HIVEP3: variants seen among roughly 807,000 people sequenced by gnomAD.
The protein encoded by HIVEP3 is transcription factor HIVEP3.
In HIVEP3, 49 loss-of-function variants were observed where a neutral mutation model predicts 152.8. That is an observed-to-expected ratio of 0.32 (90% CI 0.26 to 0.41). The LOEUF (loss-of-function observed/expected upper bound fraction) is 0.41, where lower values mean the gene tolerates loss of function less well. Among genes scored for constraint, HIVEP3 ranks in the 10% least tolerant of loss-of-function variants. The pLI is 1.00. For synonymous variants in HIVEP3, 1,269 were observed against 1,289.0 expected, an observed-to-expected ratio of 0.98 and a Z score of 0.33; for missense variants, 2,790 against 3,103.3, an observed-to-expected ratio of 0.90 and a Z score of 2.40.
intron 2 of HIVEP3, among the ~76,000 whole-genome samples, chr1:41,697,091 C>G (rs762698908): frequency 5.1e-4 from 77 of 152,164 alleles, no homozygotes; most frequent in Non-Finnish European, 9.6e-4. Flanking sequence ...AAGCAGGAAG[C>G]AGAGAGGCAG....
intron 1 of HIVEP3, among the ~76,000 whole-genome samples, chr1:41,949,314 G>A (rs973992391): frequency 6.6e-6 from 1 of 152,128 alleles, no homozygotes; most frequent in Non-Finnish European, 1.5e-5. Flanking sequence ...CTAGGTACTC[G>A]CATTGGCGGT....
chr1:41,925,068 C>T (rs1299487085), intron 1 of HIVEP3, among the ~76,000 whole-genome samples: 2 of 152,210 alleles, frequency 1.3e-5, no homozygotes, highest in African/African-American at 4.8e-5. Context: ...CAAACTACAG[C>T]CCTTCGTGCA....
At chr1:41,603,625 G>A (rs182389896) in intron 3 of HIVEP3, among the ~76,000 whole-genome samples, 1 of 152,334 alleles carries the variant, frequency 6.6e-6, no homozygotes, top group Admixed American at 6.5e-5. Flanking sequence ...CTCCCAAAGT[G>A]CTGGGATTAC....
intron 2 of HIVEP3, among the ~76,000 whole-genome samples, chr1:41,640,807 C>T (rs540492311): frequency 1.5e-4 from 23 of 152,334 alleles, no homozygotes; most frequent in African/African-American, 5.5e-4. Flanking sequence ...CCATCATCAC[C>T]ATCTGACAAC....
intron 1 of HIVEP3, among the ~76,000 whole-genome samples, chr1:41,885,700 T>G (rs1467136803): frequency 6.7e-6 from 1 of 150,292 alleles, no homozygotes; most frequent in East Asian, 2.0e-4. Context: ...CCTCCTTCCC[T>G]TCCTCCTTCC....
intron 3 of HIVEP3, among the ~76,000 whole-genome samples, chr1:41,617,062 C>T (rs1558118645): frequency 1.3e-5 from 2 of 152,186 alleles, no homozygotes; most frequent in Non-Finnish European, 2.9e-5. Flanking sequence ...GTGCTCCTAA[C>T]CACTCTACCG....
chr1:41,917,542 C>G (rs1457701790), intron 1 of HIVEP3, among the ~76,000 whole-genome samples: 1 of 152,188 alleles, frequency 6.6e-6, no homozygotes, highest in Non-Finnish European at 1.5e-5. Flanking sequence ...TGACCTGCAA[C>G]AGAAACCAAA....
intron 1 of HIVEP3, among the ~76,000 whole-genome samples, chr1:41,824,784 T>TATATATAGAGAGAGAGAGAGAGAG (rs1553266584): frequency 8.8e-5 from 1 of 11,394 alleles, no homozygotes; most frequent in Non-Finnish European, 1.6e-4. Flanking sequence ...TATATATATA[T>TATATATAGAGAGAGAGAGAGAGAG]AGAGAGAGAG....
chr1:41,526,549 A>AT (rs1642925578), intron 5 of HIVEP3, among the ~76,000 whole-genome samples: 2 of 52,358 alleles, frequency 3.8e-5, no homozygotes, highest in Admixed American at 2.4e-4. Context: ...CCCCACACTC[A>AT]CCCTCACCCT....
chr1:41,513,397 G>T lies in HIVEP3; in HGVS notation c.5824C>A (p.Leu1942Met). The T allele has an allele frequency of 6.2e-7, 1 of 1,612,034 alleles. No individual in the cohort carries two copies. ...SSQSMPGLPW[L>M]GPAPLGSVEK... Reference sequence around the variant, plus strand: ...ACAGAGCCCAGAGGGGCCGGTCCCAGCCAGGGGAGGCCCGGCATGCTCTGG... The same window carrying T: ...ACAGAGCCCAGAGGGGCCGGTCCCATCCAGGGGAGGCCCGGCATGCTCTGG... Residue 1942 changes from leucine (L) to methionine (M), a missense_variant, in exon 8 of 9, where the codon CTG becomes ATG. Leu to Met is a conservative substitution (Grantham distance 15, BLOSUM62 2). Around this residue, in one of 9 missense-constraint regions of HIVEP3, gnomAD observed 816 missense variants for 806.5 expected, o/e 1.01. Coordinates refer to ENST00000372583, the MANE Select transcript of HIVEP3 (RefSeq NM_024503.5).
At chr1:41,943,348 A>G (rs1337113269) in intron 1 of HIVEP3, among the ~76,000 whole-genome samples, 4 of 152,246 alleles carry the variant, frequency 2.6e-5, no homozygotes. Flanking sequence ...ATCATATTTT[A>G]TAGTTTTAAG....
chr1:41,659,953 T>C (rs1477515220), intron 2 of HIVEP3, among the ~76,000 whole-genome samples: 6 of 152,082 alleles, frequency 3.9e-5, no homozygotes, highest in Non-Finnish European at 7.4e-5. Flanking sequence ...GGGATGAATG[T>C]GTGTGTGTGA....
intron 5 of HIVEP3, among the ~76,000 whole-genome samples, chr1:41,537,931 A>C (rs969788657): frequency 6.6e-6 from 1 of 152,252 alleles, no homozygotes; most frequent in African/African-American, 2.4e-5. Context: ...TTTACTCAAC[A>C]GTATTTCCTA....
At chr1:41,834,194 G>T (rs1425485346) in intron 1 of HIVEP3, among the ~76,000 whole-genome samples, 1 of 152,172 alleles carries the variant, frequency 6.6e-6, no homozygotes, top group Non-Finnish European at 1.5e-5. Context: ...AAGTCTTTGG[G>T]GACAGGAGGG....
intron 1 of HIVEP3, among the ~76,000 whole-genome samples, chr1:42,013,938 A>T (rs993620245): frequency 6.6e-6 from 1 of 152,186 alleles, no homozygotes; most frequent in Non-Finnish European, 1.5e-5. Flanking sequence ...TTTTACGAGG[A>T]AGAAAAAGTC....
In HIVEP3 at chr1:41,575,621, C is replaced by G; in HGVS notation, c.5130G>C (p.Glu1710Asp). 6.2e-7 allele frequency: 1 copy of G among 1,614,188 alleles called. No individual in the cohort carries two copies. Among genetic ancestry groups the G allele is most frequent in the Non-Finnish European group, 8.5e-7 (1 of 1,180,008 alleles). Residue 1710 changes from glutamate to aspartate, a missense_variant, in exon 5 of 9, where the codon GAG (glutamate) becomes GAC (aspartate). Physicochemically the swap from Glu to Asp is conservative, Grantham distance 45. Coordinates refer to ENST00000372583, the MANE Select transcript of HIVEP3 (RefSeq NM_024503.5). ...CATCCTCCTCCGGCTCCCCTCTCCT[C>G]TCTTCTTCCTTCTCCACTCTAGCTA... ...KDLARVEKEE[E>D]RRGEPEEDAP...
Position 41,583,991 on chromosome 1 carries a change from A to C in HIVEP3, c.807T>G (p.Pro269=), listed in dbSNP as rs1644463513. The C allele has an allele frequency of 1.2e-6, 2 of 1,614,178 alleles. No individual in the cohort carries two copies. Among genetic ancestry groups the C allele is most frequent in the African/African-American group, 2.7e-5 (2 of 75,034 alleles). ...CAGTGGGCTCCTCAAACTCTTCCCC[A>C]GGGATCCGCTCCATCTCCAGCCCAT... is the stretch of plus-strand genomic sequence containing the variant. ...YPHGLEMERI[P]GEEFEEPTEG... is the part of the protein sequence containing the mutation. Residue 269 remains proline (P), a synonymous_variant, in exon 4 of 9, where the codon CCT becomes CCG. Coordinates refer to ENST00000372583, the MANE Select transcript of HIVEP3 (RefSeq NM_024503.5). This position sits in a 1 kb window ranked among gnomAD's most constrained non-coding sequence, Gnocchi z 6.9.
intron 1 of HIVEP3, among the ~76,000 whole-genome samples, chr1:41,933,378 T>A (rs1408442150): frequency 6.6e-6 from 1 of 152,138 alleles, no homozygotes; most frequent in Non-Finnish European, 1.5e-5. Flanking sequence ...CATTGTTATG[T>A]CTTCTTGGAA....
At chr1:41,541,025 G>A (rs1242493144) in intron 5 of HIVEP3, among the ~76,000 whole-genome samples, 3 of 152,176 alleles carry the variant, frequency 2.0e-5, no homozygotes, top group Non-Finnish European at 4.4e-5. Flanking sequence ...GTGTGGTCAC[G>A]GCTCAGAGGA....
Sources: allele counts gnomAD v4.1 joint callset (sites outside exome capture counted in the v4.1 genomes callset), GRCh38; gene constraint gnomAD v4.1.1; regional missense constraint gnomAD v4.1.1; non-coding constraint Gnocchi (gnomAD v3.1); transcripts MANE v1.5; gene names NCBI Gene and HGNC (gene_info 2026-07-23, HGNC 2026-07-21).